The following REEP1 variants were observed in gnomAD, a reference collection of about 807,000 sequenced individuals.
The protein encoded by REEP1 is receptor expression-enhancing protein 1.
REEP1 carries 22 observed loss-of-function variants against 40.3 expected under a neutral mutation model. The observed-to-expected ratio is 0.55, with a 90% CI of 0.39 to 0.78. The LOEUF (loss-of-function observed/expected upper bound fraction) is 0.78. Ranked by LOEUF, REEP1 falls within the 30% of genes least tolerant of loss-of-function variation. REEP1 has a pLI of 0.00. For missense variants in REEP1, 280 were observed against 361.1 expected (o/e 0.78, Z 1.82); for synonymous variants, 116 against 139.2 (o/e 0.83, Z 1.17).
intron 1 of REEP1, among the ~76,000 whole-genome samples, chr2:86,311,331 A>G (rs1679755500): frequency 6.6e-6 from 1 of 152,194 alleles, no homozygotes; most frequent in African/African-American, 2.4e-5. Flanking sequence ...GGGTTTTTAA[A>G]GGTAGTGGAC....
chr2:86,234,679 G>T (rs1675211118), intron 5 of REEP1, among the ~76,000 whole-genome samples: 1 of 152,114 alleles, frequency 6.6e-6, no homozygotes, highest in African/African-American at 2.4e-5. Context: ...GTAAGTCCAG[G>T]CCAAGAAGTA....
intron 2 of REEP1, among the ~76,000 whole-genome samples, chr2:86,276,474 T>C (rs1346228364): frequency 4.6e-5 from 7 of 152,210 alleles, no homozygotes; most frequent in Admixed American, 4.6e-4. Context: ...CCCTCCTTTA[T>C]AGCAAAAGAA....
chr2:86,336,695 C>T (rs376573874), intron 1 of REEP1: 36 of 152,506 alleles, frequency 2.4e-4, no homozygotes, highest in African/African-American at 8.7e-4. Flanking sequence ...CCCACGCCCA[C>T]CCCCAATGAC....
chr2:86,266,728 C>A (rs1262885133), intron 2 of REEP1, among the ~76,000 whole-genome samples: 2 of 151,146 alleles, frequency 1.3e-5, no homozygotes, highest in Non-Finnish European at 2.9e-5. Flanking sequence ...AACTAAAAGG[C>A]CAGGCGTGGT....
intron 1 of REEP1, among the ~76,000 whole-genome samples, chr2:86,310,727 CTGTG>C (rs371452891): frequency 6.6e-6 from 1 of 151,732 alleles, no homozygotes; most frequent in Non-Finnish European, 1.5e-5. Context: ...CTCTCTCTCT[CTGTG>C]TATGTGTGTG....
chr2:86,281,652 T>C (rs555021772), intron 2 of REEP1, among the ~76,000 whole-genome samples: 4 of 152,112 alleles, frequency 2.6e-5, no homozygotes, highest in African/African-American at 7.2e-5. Flanking sequence ...TGAAAACAGA[T>C]ATAGGATGAT....
intron 2 of REEP1, among the ~76,000 whole-genome samples, chr2:86,268,519 T>C (rs1338285596): frequency 6.6e-6 from 1 of 152,186 alleles, no homozygotes; most frequent in South Asian, 2.1e-4. Context: ...TGTTCATATA[T>C]AGGAGAACTC....
At chr2:86,249,746 T>C (rs535461696) in intron 5 of REEP1, among the ~76,000 whole-genome samples, 1 of 152,384 alleles carries the variant, frequency 6.6e-6, no homozygotes, top group East Asian at 1.9e-4. Context: ...AAACCACTGA[T>C]GTACACCTCA....
intron 1 of REEP1, among the ~76,000 whole-genome samples, chr2:86,306,889 A>T (rs1431931854): frequency 1.4e-5 from 2 of 138,566 alleles, no homozygotes; most frequent in Non-Finnish European, 3.1e-5. Flanking sequence ...GAGCCAAAAG[A>T]AAAAAAAAAA....
chr2:86,226,529 C>T (rs934648585), intron 7 of REEP1, among the ~76,000 whole-genome samples: 1 of 146,222 alleles, frequency 6.8e-6, no homozygotes. Flanking sequence ...AGTGCAATGG[C>T]ACGATCATGG....
intron 1 of REEP1, among the ~76,000 whole-genome samples, chr2:86,284,587 G>A (rs1211655092): frequency 6.6e-6 from 1 of 152,186 alleles, no homozygotes; most frequent in Non-Finnish European, 1.5e-5. Flanking sequence ...ATGGACTGGG[G>A]GGAAATAAAT....
At chr2:86,236,567 T>C (rs1278350388) in intron 5 of REEP1, among the ~76,000 whole-genome samples, 1 of 152,048 alleles carries the variant, frequency 6.6e-6, no homozygotes, top group Admixed American at 6.6e-5. Context: ...ATCCCAGCAC[T>C]TTGGAGGATG....
At chr2:86,260,945 C>A (rs1422991564) in intron 3 of REEP1, among the ~76,000 whole-genome samples, 3 of 152,098 alleles carry the variant, frequency 2.0e-5, no homozygotes, top group African/African-American at 7.2e-5. Flanking sequence ...AACTAATATG[C>A]CTCCCAAAAT....
intron 5 of REEP1, among the ~76,000 whole-genome samples, chr2:86,242,958 A>T (rs972872951): frequency 6.6e-6 from 1 of 152,172 alleles, no homozygotes; most frequent in South Asian, 2.1e-4. Flanking sequence ...TTTCATTATC[A>T]TCAGAATGGT....
chr2:86,306,283 C>A (rs1017297451), intron 1 of REEP1, among the ~76,000 whole-genome samples: 2 of 151,898 alleles, frequency 1.3e-5, no homozygotes, highest in Admixed American at 6.6e-5. Flanking sequence ...TCTCTCTTAA[C>A]CCTTCTGAAA....
chr2:86,223,102 G>A (rs1674512718), intron 7 of REEP1, among the ~76,000 whole-genome samples: 1 of 152,248 alleles, frequency 6.6e-6, no homozygotes, highest in African/African-American at 2.4e-5. Flanking sequence ...ACGGCCTTGA[G>A]CCTGCAGAGC....
At position 86,325,976 on chromosome 2, in the gene REEP1, C is replaced by A. The variant is rs374582213; in HGVS notation, c.32+11503G>T. Among the ~76,000 whole-genome samples, 34 of 152,316 alleles carry A rather than the reference C, an allele frequency of 2.2e-4. No individual in the cohort carries two copies. The East Asian group carries it at 2.3e-3, about 10-fold the overall frequency. ...CCAACATTGGATGCTACAGTGTCCCCCCGGTAGGAAGACAAAGCAGTGGTT... is the reference window on the plus strand; with the variant it reads ...CCAACATTGGATGCTACAGTGTCCCACCGGTAGGAAGACAAAGCAGTGGTT... On this transcript the variant is annotated intron_variant, in intron 1 of 8. Transcript: ENST00000538924.
intron 5 of REEP1, among the ~76,000 whole-genome samples, chr2:86,246,012 C>T (rs1236219875): frequency 7.9e-5 from 12 of 152,168 alleles, no homozygotes; most frequent in Admixed American, 7.9e-4. Context: ...GATCCGCCCG[C>T]CTTGGCCTCC....
chr2:86,277,064 T>C (rs1382538212), intron 2 of REEP1, among the ~76,000 whole-genome samples: 6 of 152,204 alleles, frequency 3.9e-5, no homozygotes, highest in African/African-American at 7.2e-5. Context: ...CAGAGACTTA[T>C]ATTGTCTCCT....
Sources: allele counts gnomAD v4.1 joint callset (sites outside exome capture counted in the v4.1 genomes callset), GRCh38; gene constraint gnomAD v4.1.1; transcripts MANE v1.5; gene names NCBI Gene and HGNC (gene_info 2026-07-23, HGNC 2026-07-21).